Variants in KLHL29 observed in about 807,000 individuals in gnomAD.
KLHL29 encodes the protein kelch-like protein 29.
KLHL29 carries 21 observed loss-of-function variants against 80.4 expected under a neutral mutation model. That is an observed-to-expected ratio of 0.26 (90% CI 0.19 to 0.38). The LOEUF is 0.38. Ranked by LOEUF, KLHL29 falls within the 10% of genes least tolerant of loss-of-function variation. KLHL29 has a pLI of 1.00. For synonymous variants in KLHL29, 511 were observed against 526.8 expected (o/e 0.97, Z 0.41); for missense variants, 867 against 1,223.9 (o/e 0.71, Z 4.35).
chr2:23,411,728 G>T (rs1003071491), intron 1 of KLHL29, among the ~76,000 whole-genome samples: 3 of 152,166 alleles, frequency 2.0e-5, no homozygotes, highest in African/African-American at 7.2e-5. Flanking sequence ...CTTCCCAGAT[G>T]TGGGCATGGC....
chr2:23,452,420 C>A (rs1310027926), intron 1 of KLHL29, among the ~76,000 whole-genome samples: 1 of 152,038 alleles, frequency 6.6e-6, no homozygotes, highest in Non-Finnish European at 1.5e-5. Context: ...TCCAATGCCT[C>A]CCACCAAGCC....
chr2:23,578,215 A>G (rs1443654082), intron 3 of KLHL29, among the ~76,000 whole-genome samples: 1 of 152,136 alleles, frequency 6.6e-6, no homozygotes, highest in Non-Finnish European at 1.5e-5. Context: ...AGCCAACCAC[A>G]TTAATCCTAG....
intron 3 of KLHL29, among the ~76,000 whole-genome samples, chr2:23,571,303 T>C (rs1667711632): frequency 6.6e-6 from 1 of 152,152 alleles, no homozygotes. Flanking sequence ...GGTGAGTTGA[T>C]TGTGCCAGCT....
At chr2:23,546,258 G>T (rs1335453101) in intron 2 of KLHL29, among the ~76,000 whole-genome samples, 1 of 152,192 alleles carries the variant, frequency 6.6e-6, no homozygotes, top group East Asian at 1.9e-4. Flanking sequence ...AACTGGCAGG[G>T]GTGGCCAATG....
intron 2 of KLHL29, among the ~76,000 whole-genome samples, chr2:23,516,978 C>T (rs1224666756): frequency 2.6e-5 from 4 of 152,206 alleles, no homozygotes; most frequent in African/African-American, 4.8e-5. Flanking sequence ...TGGTGACGGA[C>T]GTGCCTGGGA....
At chr2:23,437,970 T>C (rs1352678675) in intron 1 of KLHL29, among the ~76,000 whole-genome samples, 9 of 152,086 alleles carry the variant, frequency 5.9e-5, no homozygotes, top group Non-Finnish European at 1.3e-4. Context: ...TTTGTTTGTA[T>C]CCTCTTTTAT....
intron 1 of KLHL29, among the ~76,000 whole-genome samples, chr2:23,406,333 AAAAAAAAAAAG>A (rs1196979391): frequency 2.1e-5 from 3 of 140,676 alleles, no homozygotes; most frequent in Admixed American, 7.3e-5. Context: ...ATCTCAAAAA[AAAAAAAAAAAG>A]AAAAGAAAAC....
chr2:23,504,599 C>T (rs1665547781), intron 2 of KLHL29, among the ~76,000 whole-genome samples: 1 of 152,194 alleles, frequency 6.6e-6, no homozygotes, highest in South Asian at 2.1e-4. Flanking sequence ...CCAGCCTTCC[C>T]TGAAAGGGAG....
intron 5 of KLHL29, among the ~76,000 whole-genome samples, chr2:23,661,475 C>T (rs2149169977): frequency 6.6e-6 from 1 of 152,336 alleles, no homozygotes; most frequent in Admixed American, 6.5e-5. Flanking sequence ...GGCATAGCCT[C>T]CCCCTGCGTT....
At position 23,674,406 on chromosome 2, in the gene KLHL29, C is replaced by A. The variant is rs1572486440; in HGVS notation, c.941-9993C>A. 3.3e-5 allele frequency among the ~76,000 whole-genome samples: 5 copies of A among 152,176 alleles called. No individual in the cohort carries two copies. In the South Asian group the frequency reaches 1.0e-3, roughly 32 times the overall value. The stretch of plus-strand genomic sequence containing the variant: ...CTCATTCAGCGGTGGACATGGTCAG[C>A]TGCTCCAGGGCACCCTCGAACCCCT... On this transcript the variant is annotated intron_variant, in intron 5 of 13. Transcript: ENST00000486442.
chr2:23,562,155 C>T lies in KLHL29; in HGVS notation c.-42C>T, dbSNP rs1004488649. The T allele has an allele frequency of 1.2e-5, 19 of 1,548,116 alleles. No individual in the cohort carries two copies. Among genetic ancestry groups the T allele is most frequent in the East Asian group, 2.4e-5 (1 of 40,922 alleles). The stretch of plus-strand genomic sequence containing the variant: ...TCTCTCCACCCTGTCACCACAGGTC[C>T]GGGCTCTGTTTCCCTGTGAGAAGCC... On this transcript the variant is annotated 5_prime_UTR_variant, in exon 3 of 14. Coordinates refer to ENST00000486442, the MANE Select transcript of KLHL29 (RefSeq NM_052920.2). This position sits in a 1 kb window ranked among gnomAD's most constrained non-coding sequence, Gnocchi z 4.5.
rs1419768220 is a variant in KLHL29, at chr2:23,647,714, A to C, written c.940+4864A>C. Among the ~76,000 whole-genome samples the C allele has an allele frequency of 6.6e-6, 1 of 151,884 alleles. No individual in the cohort carries two copies. Among genetic ancestry groups the C allele is most frequent in the Non-Finnish European group, 1.5e-5 (1 of 67,950 alleles). On this transcript the variant is annotated intron_variant, in intron 5 of 13. Transcript: ENST00000486442. The surrounding 1 kb of genome is among the most constrained non-coding windows in gnomAD (Gnocchi z 4.9). ...CAACAACCCAGTTGCTCTGGGGACA[A>C]CGGCCAGCGCTGACTCGGTGCTTGC...
Position 23,691,865 on chromosome 2 carries a change from T to G in KLHL29, c.1271T>G (p.Val424Gly). Residue 424 changes from valine (V) to glycine (G), a missense_variant, in exon 7 of 14, where the codon GTG becomes GGG. This residue lies in a region of KLHL29 where 443 missense variants were observed against 767.0 expected (regional missense o/e 0.58). Coordinates refer to ENST00000486442, the MANE Select transcript of KLHL29 (RefSeq NM_052920.2). ...TTCCACACCTTCTGCAAAGTCTGCG[T>G]GTCCTTTCTCGGTGAGCCCGGGGGC... Reference protein sequence around the residue: ...FQFHTFCKVCVSFLEKQLTAS... With the variant: ...FQFHTFCKVCGSFLEKQLTAS... 6.5e-7 allele frequency: 1 copy of G among 1,550,190 alleles called. No individual in the cohort carries two copies. The highest frequency in any genetic ancestry group is 2.4e-5 in the East Asian group (1 of 40,910).
chr2:23,689,049 A>C (rs1217845541), intron 6 of KLHL29: 1 of 152,754 alleles, frequency 6.5e-6, no homozygotes, highest in Admixed American at 6.5e-5. Context: ...CAGGCCATGC[A>C]CGAAGGCCTG....
In KLHL29 at chr2:23,434,265, G is replaced by A. The variant is rs989401025; in HGVS notation, c.-153-41295G>A. Among the ~76,000 whole-genome samples, 3 of 138,200 alleles carry A rather than the reference G, an allele frequency of 2.2e-5. No individual in the cohort carries two copies. The Admixed American group carries it at 2.4e-4, about 11-fold the overall frequency. 90.7% of individuals were successfully genotyped at this position (138,200 alleles called of 152,430 possible). On this transcript the variant is annotated intron_variant, in intron 1 of 13. Coordinates refer to ENST00000486442, the MANE Select transcript of KLHL29 (RefSeq NM_052920.2). The stretch of plus-strand genomic sequence containing the variant: ...GAACCCGGGAGGCGGAGCTTGCAGT[G>A]AGCCGAGATTGCGCCACCGCACTCC...
At chr2:23,528,434 C>G (rs1424654922) in intron 2 of KLHL29, among the ~76,000 whole-genome samples, 1 of 152,132 alleles carries the variant, frequency 6.6e-6, no homozygotes, top group Non-Finnish European at 1.5e-5. Context: ...CCGTGTGGTT[C>G]AACAGTGGGA....
intron 1 of KLHL29, among the ~76,000 whole-genome samples, chr2:23,399,936 C>T (rs1305251885): frequency 1.3e-5 from 2 of 152,212 alleles, no homozygotes; most frequent in African/African-American, 2.4e-5. Context: ...CCATCCCATA[C>T]AGTTTGTGCA....
chr2:23,553,872 G>A (rs1292077599), intron 2 of KLHL29, among the ~76,000 whole-genome samples: 2 of 152,234 alleles, frequency 1.3e-5, no homozygotes, highest in Admixed American at 1.3e-4. Context: ...TTTAGGGACG[G>A]GATCAGAACT....
chr2:23,668,272 C>T (rs1670608693), intron 5 of KLHL29: 1 of 152,430 alleles, frequency 6.6e-6, no homozygotes, highest in Admixed American at 6.5e-5. Flanking sequence ...CCCTCAATCA[C>T]TCATTCAGAC....
Sources: gnomAD v4.1 joint callset for allele counts (sites outside exome capture counted in the v4.1 genomes callset) on GRCh38, gnomAD v4.1.1 for gene constraint, gnomAD v4.1.1 regional missense constraint, Gnocchi (gnomAD v3.1) non-coding constraint, MANE v1.5 for transcripts, NCBI Gene and HGNC (gene_info 2026-07-23, HGNC 2026-07-21) for gene names.